XDH: variants seen among roughly 807,000 people sequenced by gnomAD.
XDH encodes the protein xanthine dehydrogenase/oxidase.
In XDH, 138 loss-of-function variants were observed where a neutral mutation model predicts 156.1. The observed-to-expected ratio is 0.88, with a 90% confidence interval of 0.77 to 1.02. The LOEUF is 1.02. Among genes scored for constraint, XDH ranks in the 50% least tolerant of loss-of-function variants. The pLI is 0.00. For missense variants in XDH, 1,849 were observed against 1,684.9 expected, an observed-to-expected ratio of 1.10 and a Z score of -1.71; for synonymous variants, 669 against 625.7, an observed-to-expected ratio of 1.07 and a Z score of -1.03.
At chr2:31,378,660 C>T (rs963665007) in intron 13 of XDH, among the ~76,000 whole-genome samples, 1 of 146,800 alleles carries the variant, frequency 6.8e-6, no homozygotes, top group Non-Finnish European at 1.5e-5. Context: ...TGCCCATCCA[C>T]GGGGACATTC....
Position 31,341,367 on chromosome 2 carries a change from C to T in XDH, c.3547G>A (p.Val1183Ile). 6.3e-7 allele frequency: 1 copy of T among 1,579,964 alleles called. No homozygotes were observed. Among genetic ancestry groups the T allele is most frequent in the African/African-American group, 1.3e-5 (1 of 74,586 alleles). The change falls in exon 33 of 36, where the codon GTT becomes ATT. Residue 1183 changes from valine to isoleucine, a missense_variant. Coordinates refer to ENST00000379416, the MANE Select transcript of XDH (RefSeq NM_000379.4). Reference sequence around the variant, plus strand: ...ATGGCAGGGTTTAGACTGGAGCCAACATCCATGACAATATCTGTGCGGAGG... The same window carrying T: ...ATGGCAGGGTTTAGACTGGAGCCAATATCCATGACAATATCTGTGCGGAGG... ...KNLRTDIVMD[V>I]GSSLNPAIDI... is the part of the protein sequence containing the mutation.
rs1411158962 is a variant in XDH at position 31,348,485 on chromosome 2, A to T, written c.3052-122T>A. 4 of 888,642 alleles carry T rather than the reference A, an allele frequency of 4.5e-6. No individual in the cohort carries two copies. The African/African-American group carries it at 5.0e-5, about 11-fold the overall frequency. The allele number at this position is 888,642 out of a possible 1,614,324, so 55.0% of individuals were successfully genotyped here. A position where few individuals can be genotyped will look rare whatever the true frequency, so the allele number is the denominator to read the frequency against. On this transcript the variant is annotated intron_variant, in intron 27 of 35. Coordinates refer to ENST00000379416, the MANE Select transcript of XDH (RefSeq NM_000379.4). ...GCAGCATTTTGGATGTAAACCTCAG[A>T]CAAAAATTATGGCAGTATGAATCTC... is the stretch of plus-strand genomic sequence containing the variant.
At chr2:31,340,857 T>G (rs1210390985) in intron 33 of XDH, among the ~76,000 whole-genome samples, 1 of 152,116 alleles carries the variant, frequency 6.6e-6, no homozygotes, top group Non-Finnish European at 1.5e-5. Flanking sequence ...CTTAAGCCTT[T>G]GTGTTTTGCT....
At position 31,373,896 on chromosome 2, in the gene XDH, G is replaced by T. The variant is rs45577338; in HGVS notation, c.1663C>A (p.Pro555Thr). The change falls in exon 16 of 36, where the codon CCA becomes ACA. Residue 555 changes from proline (P) to threonine (T), a missense_variant. Transcript: ENST00000379416. ...ACTTGGAAGAGCTGGACATCGGCTG[G>T]GGGGTCTTTCTGAAACAGTAAAGTT... ...SATLLFQKDP[P>T]ADVQLFQEVP... The T allele has an allele frequency of 7.4e-5, 120 of 1,613,880 alleles. No homozygotes were observed. The East Asian group carries it at 2.5e-3, about 34-fold the overall frequency.
At chr2:31,411,627 T>C (rs1687345082) in intron 1 of XDH, among the ~76,000 whole-genome samples, 1 of 152,214 alleles carries the variant, frequency 6.6e-6, no homozygotes. Context: ...AAGTAATTTA[T>C]TTACTACAGG....
chr2:31,382,938 CTGCCCTGCTTTCAGATGAAAGCT>C, intron 11 of XDH, 40 bp downstream of exon 11: 2 of 1,610,910 alleles, frequency 1.2e-6, no homozygotes, highest in Non-Finnish European at 1.7e-6. Context: ...GAGAGTCTGG[CTGCCCTGCTTTCAGATGAAAGCT>C]CCATCCTACG....
At chr2:31,345,002 A>G (rs1246829416) in intron 30 of XDH, among the ~76,000 whole-genome samples, 1 of 152,156 alleles carries the variant, frequency 6.6e-6, no homozygotes, top group African/African-American at 2.4e-5. Flanking sequence ...GGCCATCTTA[A>G]CATACCACAC....
intron 6 of XDH, among the ~76,000 whole-genome samples, chr2:31,394,471 G>A (rs1007118416): frequency 2.6e-5 from 4 of 152,076 alleles, no homozygotes; most frequent in South Asian, 2.1e-4. Context: ...ATTTTTTGAA[G>A]TTTGAATATC....
At chr2:31,367,064 A>G in intron 20 of XDH, 70 bp from the exon 21 acceptor site, 2 of 1,612,242 alleles carry the variant, frequency 1.2e-6, no homozygotes, top group East Asian at 4.5e-5. Context: ...CTAAGGAGAG[A>G]GTATACTCTG....
intron 9 of XDH, among the ~76,000 whole-genome samples, chr2:31,386,081 T>C (rs1015005950): frequency 1.2e-4 from 18 of 152,294 alleles, no homozygotes; most frequent in Admixed American, 9.2e-4. Context: ...GTCAACTACA[T>C]GCAAGGATCT....
intron 24 of XDH, among the ~76,000 whole-genome samples, chr2:31,362,554 A>T (rs1338248764): frequency 1.3e-5 from 2 of 152,196 alleles, no homozygotes; most frequent in Non-Finnish European, 2.9e-5. Flanking sequence ...CTGTCATGTA[A>T]ATTCCTCATT....
At position 31,350,027 on chromosome 2, in the gene XDH, C is replaced by G; in HGVS notation, c.2823+5G>C. The G allele has an allele frequency of 1.2e-6, 2 of 1,613,856 alleles. No individual in the cohort carries two copies. Among genetic ancestry groups the G allele is most frequent in the Non-Finnish European group, 1.7e-6 (2 of 1,180,054 alleles). ...CTGACTTGTGCTACCAAATTCTCAGCTTACCTCCTCTGCAGGCATCCCACA... is the reference window on the plus strand; with the variant it reads ...CTGACTTGTGCTACCAAATTCTCAGGTTACCTCCTCTGCAGGCATCCCACA... On this transcript the variant is annotated splice_donor_5th_base_variant and intron_variant, in intron 25 of 35. Transcript: ENST00000379416.
chr2:31,346,949 C>A, intron 29 of XDH, 106 bp from the exon 30 acceptor site: 1 of 1,463,542 alleles, frequency 6.8e-7, no homozygotes, highest in South Asian at 1.1e-5. Flanking sequence ...AATGCTGTAC[C>A]CAGGGTGCCA....
chr2:31,406,749 T>C (rs1687200721), intron 1 of XDH, among the ~76,000 whole-genome samples: 1 of 152,228 alleles, frequency 6.6e-6, no homozygotes, highest in Non-Finnish European at 1.5e-5. Flanking sequence ...GAGCATGGCA[T>C]GCAGATCTCG....
Position 31,344,735 on chromosome 2 carries a change from A to G in XDH, c.3353T>C (p.Val1118Ala). The stretch of plus-strand genomic sequence containing the variant: ...CACTGTGTCCATGTAGGCAGCTGTG[A>G]CCTGAGGAGAGGAGATGGCCATCAG... Reference protein sequence around the residue: ...KNPSGSWEDWVTAAYMDTVSL... With the variant: ...KNPSGSWEDWATAAYMDTVSL... The change falls in exon 31 of 36, where the codon GTC (valine) becomes GCC (alanine). Residue 1118 changes from valine to alanine, a missense_variant and splice_region_variant. Coordinates refer to ENST00000379416, the MANE Select transcript of XDH (RefSeq NM_000379.4). 1 of 1,614,124 alleles carries G rather than the reference A, an allele frequency of 6.2e-7. No homozygotes were observed. The highest frequency in any genetic ancestry group is 8.5e-7 in the Non-Finnish European group (1 of 1,180,034).
At chr2:31,388,174 C>G in intron 7 of XDH, 53 bp downstream of exon 7, 1 of 1,595,756 alleles carries the variant, frequency 6.3e-7, no homozygotes, top group Non-Finnish European at 8.6e-7. Flanking sequence ...TGCACTGACT[C>G]CTCTAAGTCT....
intron 24 of XDH, among the ~76,000 whole-genome samples, chr2:31,353,889 G>A (rs575248509): frequency 4.2e-4 from 64 of 152,250 alleles, no homozygotes; most frequent in Non-Finnish European, 6.5e-4. Flanking sequence ...AGACCAGATC[G>A]GGAGTCAAGA....
In XDH at chr2:31,341,362, G is replaced by A; in HGVS notation, c.3552C>T (p.Gly1184=). ...NLRTDIVMDV[G]SSLNPAIDIG... ...TATCAATGGCAGGGTTTAGACTGGA[G>A]CCAACATCCATGACAATATCTGTGC... Residue 1184 remains glycine, a synonymous_variant, in exon 33 of 36, where the codon GGC becomes GGT. Transcript: ENST00000379416. 1 of 1,579,932 alleles carries A rather than the reference G, an allele frequency of 6.3e-7. No homozygotes were observed. Among genetic ancestry groups the A allele is most frequent in the East Asian group, 2.3e-5 (1 of 43,994 alleles).
chr2:31,366,275 C>G (rs1204210474), intron 21 of XDH, among the ~76,000 whole-genome samples, 166 bp from the exon 22 acceptor site: 1 of 152,178 alleles, frequency 6.6e-6, no homozygotes, highest in East Asian at 1.9e-4. Flanking sequence ...CTGGGGCCTG[C>G]CAGACTGAAT....
Sources: gnomAD v4.1 joint callset for allele counts (sites outside exome capture counted in the v4.1 genomes callset) on GRCh38, gnomAD v4.1.1 for gene constraint, MANE v1.5 for transcripts, NCBI Gene and HGNC (gene_info 2026-07-23, HGNC 2026-07-21) for gene names.